The following AKR1C8 variants were observed in gnomAD, a reference collection of about 807,000 sequenced individuals.
AKR1C8 encodes aldo-keto reductase family 1 member C8, also known as aldo-keto reductase family 1 member C-like protein 1.
the AKR1C8 span, among the ~76,000 whole-genome samples, chr10:5,138,992 A>C: frequency 6.6e-6 from 1 of 152,174 alleles, no homozygotes; most frequent in Non-Finnish European, 1.5e-5. Flanking sequence ...AGCAAAAATC[A>C]CAAGCATTCC....
At chr10:5,134,746 C>A in the AKR1C8 span, among the ~76,000 whole-genome samples, 5 of 152,016 alleles carry the variant, frequency 3.3e-5, no homozygotes, top group African/African-American at 9.7e-5. Context: ...AGATTTTGTT[C>A]GATCATGTAT....
chr10:5,136,668 G>C, the AKR1C8 span, among the ~76,000 whole-genome samples: 1 of 152,084 alleles, frequency 6.6e-6, no homozygotes, highest in Admixed American at 6.6e-5. Context: ...AATGTAAATG[G>C]CTTAAATTTC....
At chr10:5,142,145 C>A in the AKR1C8 span, among the ~76,000 whole-genome samples, 2 of 152,134 alleles carry the variant, frequency 1.3e-5, no homozygotes, top group South Asian at 4.1e-4. Context: ...TATTCAACCT[C>A]ATGAATCAAC....
the AKR1C8 span, among the ~76,000 whole-genome samples, chr10:5,164,420 G>C: frequency 6.6e-6 from 1 of 151,938 alleles, no homozygotes. Flanking sequence ...AAAAAACTTT[G>C]GGTGATACAT....
the AKR1C8 span, among the ~76,000 whole-genome samples, chr10:5,182,858 C>T: frequency 1.3e-5 from 2 of 151,380 alleles, no homozygotes; most frequent in East Asian, 1.9e-4. Context: ...TGTAGTGAGC[C>T]GAGATCATGC....
At chr10:5,130,955 C>T in the AKR1C8 span, among the ~76,000 whole-genome samples, 1 of 151,844 alleles carries the variant, frequency 6.6e-6, no homozygotes, top group African/African-American at 2.4e-5. Context: ...TACTAGAAGG[C>T]TGTAGTTAGG....
the AKR1C8 span, chr10:5,157,689 T>C: frequency 2.1e-6 from 1 of 472,774 alleles, no homozygotes; most frequent in Non-Finnish European, 4.4e-6. Context: ...GCACCACCAC[T>C]CCCCGCTGCA....
the AKR1C8 span, among the ~76,000 whole-genome samples, chr10:5,136,653 C>T: frequency 6.6e-6 from 1 of 152,090 alleles, no homozygotes; most frequent in Admixed American, 6.6e-5. Context: ...CATAAGTGTA[C>T]ATTAAATGTA....
chr10:5,172,412 C>A, the AKR1C8 span, among the ~76,000 whole-genome samples: 1 of 151,980 alleles, frequency 6.6e-6, no homozygotes, highest in Admixed American at 6.6e-5. Context: ...GTTCTTTCCC[C>A]AAAAAACCTT....
At chr10:5,133,078 C>A in the AKR1C8 span, among the ~76,000 whole-genome samples, 12 of 152,108 alleles carry the variant, frequency 7.9e-5, no homozygotes, top group Admixed American at 6.6e-4. Context: ...TAAATATAGT[C>A]TTTATTATTA....
At chr10:5,152,771 A>G in the AKR1C8 span, among the ~76,000 whole-genome samples, 2 of 152,158 alleles carry the variant, frequency 1.3e-5, no homozygotes, top group Non-Finnish European at 2.9e-5. Context: ...CCTTTTCATA[A>G]TGAGTCTGCC....
At chr10:5,117,421 A>G in the AKR1C8 span, among the ~76,000 whole-genome samples, 1 of 152,128 alleles carries the variant, frequency 6.6e-6, no homozygotes, top group Non-Finnish European at 1.5e-5. Flanking sequence ...GCAAGCCAGG[A>G]CCTGGGGTAG....
the AKR1C8 span, among the ~76,000 whole-genome samples, chr10:5,161,332 C>T: frequency 5.3e-5 from 8 of 152,154 alleles, no homozygotes; most frequent in African/African-American, 1.2e-4. Context: ...AGAGTAAGGA[C>T]ATCAGAAGTG....
chr10:5,181,252 T>A, the AKR1C8 span, among the ~76,000 whole-genome samples: 1 of 152,210 alleles, frequency 6.6e-6, no homozygotes, highest in African/African-American at 2.4e-5. Flanking sequence ...GAATTATCTA[T>A]AAAGTTTCAT....
the AKR1C8 span, among the ~76,000 whole-genome samples, chr10:5,182,708 G>A: frequency 4.6e-5 from 7 of 152,116 alleles, no homozygotes; most frequent in South Asian, 1.0e-3. Context: ...TCAGGAGTTC[G>A]AGACCAGCCT....
the AKR1C8 span, chr10:5,158,685 G>A: frequency 2.4e-5 from 12 of 491,322 alleles, no homozygotes; most frequent in Non-Finnish European, 5.1e-5. Context: ...AGTTTGCTCT[G>A]GTTGAGGTAA....
At chr10:5,163,173 T>C in the AKR1C8 span, among the ~76,000 whole-genome samples, 10 of 152,204 alleles carry the variant, frequency 6.6e-5, no homozygotes, top group African/African-American at 2.4e-4. Flanking sequence ...TCTGAGGACA[T>C]TGATTAAACT....
the AKR1C8 span, among the ~76,000 whole-genome samples, chr10:5,146,451 G>T: frequency 6.6e-6 from 1 of 152,072 alleles, no homozygotes; most frequent in Non-Finnish European, 1.5e-5. Flanking sequence ...TGAAATAACA[G>T]ATCAAGCAAT....
the AKR1C8 span, among the ~76,000 whole-genome samples, chr10:5,165,440 A>C: frequency 6.6e-6 from 1 of 151,842 alleles, no homozygotes; most frequent in Non-Finnish European, 1.5e-5. Context: ...TTTGCTCAAA[A>C]CCTCTAGTTT....
Sources: allele counts gnomAD v4.1 joint callset (sites outside exome capture counted in the v4.1 genomes callset), GRCh38; gene constraint gnomAD v4.1.1; transcripts MANE v1.5; gene names NCBI Gene and HGNC (gene_info 2026-07-23, HGNC 2026-07-21).